MECOM: variants seen among roughly 807,000 people sequenced by gnomAD.
MECOM encodes the protein MDS1 and EVI1 complex locus.
A neutral mutation model predicts 116.3 loss-of-function variants in MECOM; 13 were observed. The ratio of observed to expected loss-of-function variants is 0.11; its 90% confidence interval spans 0.07 to 0.18. The LOEUF is 0.18. MECOM is among the 10% of genes least tolerant of loss of function. The pLI is 1.00. For missense variants in MECOM, 1,299 were observed against 1,509.0 expected (o/e 0.86, Z 2.31); for synonymous variants, 528 against 535.2 (o/e 0.99, Z 0.19).
intron 2 of MECOM, among the ~76,000 whole-genome samples, chr3:169,177,911 C>T (rs761102903): frequency 2.0e-5 from 3 of 147,224 alleles, no homozygotes; most frequent in Non-Finnish European, 4.5e-5. Context: ...AAGAGCTAGA[C>T]TTGGTCTCAA....
At chr3:169,483,921 C>T (rs180851611) in intron 1 of MECOM, 2 of 1,608,754 alleles carry the variant, frequency 1.2e-6, no homozygotes, top group African/African-American at 1.3e-5. Flanking sequence ...CACTTTGATC[C>T]TTTCTTGCAA....
intron 2 of MECOM, among the ~76,000 whole-genome samples, chr3:169,278,003 A>T (rs1759825501): frequency 6.6e-6 from 1 of 152,218 alleles, no homozygotes; most frequent in South Asian, 2.1e-4. Flanking sequence ...TTAGTAGAGA[A>T]ATAAAACAGT....
chr3:169,101,572 C>CA (rs11405202), intron 11 of MECOM, among the ~76,000 whole-genome samples: 143,969 of 151,360 alleles, frequency 0.95, 68,518 homozygotes, highest in East Asian at 0.99. Flanking sequence ...ATTTATTTAG[C>CA]AAAAAAAAAT....
intron 2 of MECOM, among the ~76,000 whole-genome samples, chr3:169,309,024 T>C (rs942938631): frequency 6.6e-6 from 1 of 152,200 alleles, no homozygotes; most frequent in African/African-American, 2.4e-5. Context: ...CTATCCATCA[T>C]ATAACCCATC....
chr3:169,106,314 GA>G (rs1725403599), intron 10 of MECOM, among the ~76,000 whole-genome samples: 1 of 151,966 alleles, frequency 6.6e-6, no homozygotes, highest in Non-Finnish European at 1.5e-5. Flanking sequence ...TTATTTTTGT[GA>G]GTACATTGTA....
At chr3:169,398,693 C>A (rs1211487910) in intron 1 of MECOM, among the ~76,000 whole-genome samples, 1 of 152,168 alleles carries the variant, frequency 6.6e-6, no homozygotes, top group Non-Finnish European at 1.5e-5. Context: ...GGGCCTCCTA[C>A]TGTTCTGAGA....
intron 2 of MECOM, among the ~76,000 whole-genome samples, chr3:169,232,328 T>C (rs555797491): frequency 1.3e-5 from 2 of 152,192 alleles, no homozygotes; most frequent in Non-Finnish European, 2.9e-5. Flanking sequence ...AATTTCCAGC[T>C]CCACCACTGT....
intron 2 of MECOM, among the ~76,000 whole-genome samples, chr3:169,285,198 G>T (rs1425811572): frequency 6.6e-6 from 1 of 152,198 alleles, no homozygotes; most frequent in Non-Finnish European, 1.5e-5. Context: ...TGTTTGTAGA[G>T]CCGTGTCTGT....
intron 2 of MECOM, among the ~76,000 whole-genome samples, chr3:169,283,714 A>C (rs1338982322): frequency 6.6e-6 from 1 of 152,182 alleles, no homozygotes; most frequent in Non-Finnish European, 1.5e-5. Flanking sequence ...GGTTCCTTAA[A>C]ATTATTTACC....
intron 1 of MECOM, among the ~76,000 whole-genome samples, chr3:169,423,126 T>C (rs1740042928): frequency 6.6e-6 from 1 of 152,052 alleles, no homozygotes; most frequent in South Asian, 2.1e-4. Context: ...GCATTTCTAA[T>C]AAGCTCCTAG....
intron 1 of MECOM, among the ~76,000 whole-genome samples, chr3:169,485,837 A>ATGTG (rs201308712): frequency 7.1e-6 from 1 of 140,342 alleles, no homozygotes; most frequent in Non-Finnish European, 1.5e-5. Flanking sequence ...ATGTATATAT[A>ATGTG]TGTGTGTGTG....
At chr3:169,624,459 A>G (rs1771110754) in intron 1 of MECOM, among the ~76,000 whole-genome samples, 1 of 152,180 alleles carries the variant, frequency 6.6e-6, no homozygotes, top group Non-Finnish European at 1.5e-5. Flanking sequence ...CCCTAAAGAT[A>G]TAAGAGAGAT....
chr3:169,602,502 G>A (rs1349778890), intron 1 of MECOM, among the ~76,000 whole-genome samples: 1 of 152,072 alleles, frequency 6.6e-6, no homozygotes, highest in Non-Finnish European at 1.5e-5. Context: ...GCGATTCTTT[G>A]TTGGGAGCTG....
chr3:169,448,693 G>A (rs766298440), intron 1 of MECOM, among the ~76,000 whole-genome samples: 77 of 152,252 alleles, frequency 5.1e-4, no homozygotes, highest in Non-Finnish European at 9.7e-4. Context: ...AAACCATAAT[G>A]AGTCAGACAT....
chr3:169,279,859 G>A (rs976888460), intron 2 of MECOM, among the ~76,000 whole-genome samples: 4 of 151,976 alleles, frequency 2.6e-5, no homozygotes, highest in Non-Finnish European at 2.9e-5. Context: ...GGCTATTGTC[G>A]TTTCTCTTGC....
chr3:169,378,425 GAAAGA>G, intron 2 of MECOM, among the ~76,000 whole-genome samples: 2 of 72,452 alleles, frequency 2.8e-5, no homozygotes, highest in East Asian at 6.6e-4. Flanking sequence ...AAGAAAGAAA[GAAAGA>G]AAGAAAGAAA....
At chr3:169,163,863 A>G (rs948430644) in intron 2 of MECOM, among the ~76,000 whole-genome samples, 10 of 152,156 alleles carry the variant, frequency 6.6e-5, no homozygotes, top group African/African-American at 2.4e-4. Flanking sequence ...AGTAATAAAC[A>G]TTAGATTAAT....
chr3:169,347,244 G>A (rs185740953), intron 2 of MECOM, among the ~76,000 whole-genome samples: 15 of 152,168 alleles, frequency 9.9e-5, no homozygotes, highest in African/African-American at 2.6e-4. Context: ...TGGGGGGGCA[G>A]TTAGTGGATG....
At chr3:169,337,921 G>A (rs1185053022) in intron 2 of MECOM, among the ~76,000 whole-genome samples, 3 of 152,146 alleles carry the variant, frequency 2.0e-5, no homozygotes, top group African/African-American at 7.2e-5. Flanking sequence ...CTGAGTGATA[G>A]CCTATCTGTC....
Sources: allele counts gnomAD v4.1 joint callset (sites outside exome capture counted in the v4.1 genomes callset), GRCh38; gene constraint gnomAD v4.1.1; transcripts MANE v1.5; gene names NCBI Gene and HGNC (gene_info 2026-07-23, HGNC 2026-07-21).